The following SMYD3 variants were observed in gnomAD, a reference collection of about 807,000 sequenced individuals.
SMYD3 encodes the protein SET and MYND domain containing 3.
Under a neutral mutation model 57.7 loss-of-function variants are expected in SMYD3, and 36 were observed. That is an observed-to-expected ratio of 0.62 (90% CI 0.48 to 0.82). The LOEUF is 0.82. Ranked by LOEUF, SMYD3 falls within the 40% of genes least tolerant of loss-of-function variation. The pLI, the probability that SMYD3 is intolerant of heterozygous loss-of-function variation, is 0.00. For synonymous variants in SMYD3, 211 were observed against 195.0 expected, an observed-to-expected ratio of 1.08 and a Z score of -0.68; for missense variants, 515 against 538.8, an observed-to-expected ratio of 0.96 and a Z score of 0.44.
rs540644106 is a variant in SMYD3, at chr1:246,094,264, A to G, written c.532-164327T>C. 1.0e-3 allele frequency among the ~76,000 whole-genome samples: 158 copies of G among 152,256 alleles called. 1 individual carries two copies. Among genetic ancestry groups the G allele is most frequent in the Middle Eastern group, 6.8e-3 (2 of 294 alleles). On this transcript the variant is annotated intron_variant, in intron 5 of 11. Transcript: ENST00000490107. Reference sequence around the variant, plus strand: ...TAACAAAGACAGGGAAAGGTACCTCATGTGCCAGGTCCTGTGCCGGGGACT... The same window carrying G: ...TAACAAAGACAGGGAAAGGTACCTCGTGTGCCAGGTCCTGTGCCGGGGACT...
rs147003289 is a variant in SMYD3, at chr1:246,444,615, G to A, written c.164+62439C>T. ...ACTCACTCTGCCACAGGTGCTCTCA[G>A]GCAACCATATTAGAAATTATCAAAT... On this transcript the variant is annotated intron_variant, in intron 1 of 11. Coordinates refer to ENST00000490107, the MANE Select transcript of SMYD3 (RefSeq NM_001167740.2). Among the ~76,000 whole-genome samples the A allele has an allele frequency of 9.9e-5, 15 of 152,278 alleles. No homozygotes were observed. The East Asian group carries it at 2.7e-3, about 27-fold the overall frequency.
intron 1 of SMYD3, among the ~76,000 whole-genome samples, chr1:246,499,194 T>G (rs1018203151): frequency 4.0e-5 from 6 of 151,540 alleles, no homozygotes; most frequent in Non-Finnish European, 7.4e-5. Flanking sequence ...GTCCCAGCTA[T>G]TCGGGGGACT....
rs113737027 is a variant in SMYD3 at position 246,176,885 on chromosome 1, C to T, written c.531+150316G>A. Among the ~76,000 whole-genome samples the T allele has an allele frequency of 1.6e-3, 246 of 152,250 alleles. 1 individual carries two copies. The highest frequency in any genetic ancestry group is 5.5e-3 in the African/African-American group (228 of 41,556). On this transcript the variant is annotated intron_variant, in intron 5 of 11. Transcript: ENST00000490107. ...TCTTCCCCTTAGACGGCTCATGAGG[C>T]TAGCCACTCTTGAACTAAAAGAATG...
At chr1:245,778,752 T>A (rs1395528840) in intron 10 of SMYD3, among the ~76,000 whole-genome samples, 4 of 152,126 alleles carry the variant, frequency 2.6e-5, no homozygotes, top group African/African-American at 9.7e-5. Context: ...AAAATCTTCA[T>A]GACCCTGAGT....
intron 1 of SMYD3, among the ~76,000 whole-genome samples, chr1:246,475,846 C>T (rs1025648843): frequency 1.3e-5 from 2 of 152,158 alleles, no homozygotes; most frequent in Non-Finnish European, 2.9e-5. Context: ...AACTCCTGAG[C>T]TCAAGCAATT....
intron 1 of SMYD3, among the ~76,000 whole-genome samples, chr1:246,366,221 C>A (rs766886345): frequency 2.8e-4 from 42 of 152,086 alleles, no homozygotes; most frequent in Non-Finnish European, 5.0e-4. Flanking sequence ...CAAGATAATT[C>A]AGAGTACTTG....
At chr1:246,431,093 G>A (rs990346339) in intron 1 of SMYD3, among the ~76,000 whole-genome samples, 1 of 152,092 alleles carries the variant, frequency 6.6e-6, no homozygotes. Flanking sequence ...AGGATGCTTA[G>A]AAAAGATTGC....
At chr1:246,039,229 T>C (rs1163519327) in intron 5 of SMYD3, among the ~76,000 whole-genome samples, 1 of 152,200 alleles carries the variant, frequency 6.6e-6, no homozygotes, top group African/African-American at 2.4e-5. Flanking sequence ...ATCCTGGCAA[T>C]TGTAGTCGGT....
chr1:246,355,370 G>C lies in SMYD3; in HGVS notation c.165-276C>G, dbSNP rs75671617. On this transcript the variant is annotated intron_variant, in intron 1 of 11. Coordinates refer to ENST00000490107, the MANE Select transcript of SMYD3 (RefSeq NM_001167740.2). The surrounding 1 kb of genome is among the most constrained non-coding windows in gnomAD (Gnocchi z 5.0). ...CTCCCGATCGGACAGACAGAGCAGC[G>C]TGTGGGGACTCACACTGTGAACTTT... 1.2e-5 allele frequency: 5 copies of C among 409,324 alleles called. No individual in the cohort carries two copies. The highest frequency in any genetic ancestry group is 2.2e-5 in the Non-Finnish European group (5 of 224,548). 25.4% of individuals were successfully genotyped at this position (409,324 alleles called of 1,614,324 possible). A position where few individuals can be genotyped will look rare whatever the true frequency, so the allele number is the denominator to read the frequency against.
chr1:246,443,717 A>G (rs1211465629), intron 1 of SMYD3, among the ~76,000 whole-genome samples: 3 of 152,214 alleles, frequency 2.0e-5, no homozygotes, highest in African/African-American at 7.2e-5. Context: ...TTAGGTTGAC[A>G]TGTTAATTTA....
chr1:246,339,326 C>A (rs2065594588), intron 2 of SMYD3, among the ~76,000 whole-genome samples: 1 of 152,112 alleles, frequency 6.6e-6, no homozygotes, highest in Admixed American at 6.5e-5. Flanking sequence ...CATTTATATA[C>A]TAAAATACAT....
At chr1:246,304,681 T>A (rs2064950359) in intron 5 of SMYD3, among the ~76,000 whole-genome samples, 1 of 152,152 alleles carries the variant, frequency 6.6e-6, no homozygotes, top group Non-Finnish European at 1.5e-5. Flanking sequence ...AGCCACACAG[T>A]CACCATTATC....
At chr1:246,103,068 A>G (rs2061048166) in intron 5 of SMYD3, among the ~76,000 whole-genome samples, 1 of 152,128 alleles carries the variant, frequency 6.6e-6, no homozygotes, top group African/African-American at 2.4e-5. Context: ...TATGTCTTGT[A>G]TTTCTATCCA....
rs920823457 is a variant in SMYD3 at position 245,957,358 on chromosome 1, T to TC, written c.532-27422dup. 5.3e-5 allele frequency among the ~76,000 whole-genome samples: 8 copies of TC among 152,116 alleles called. No homozygotes were observed. The East Asian group carries it at 1.4e-3, about 26-fold the overall frequency. On this transcript the variant is annotated intron_variant, in intron 5 of 11. Coordinates refer to ENST00000490107, the MANE Select transcript of SMYD3 (RefSeq NM_001167740.2). ...CATTCCTGTTTTCAATATTCAATCT[T>TC]CCCCCTTTCCCTTTCCCATCACCTA... is the stretch of plus-strand genomic sequence containing the variant.
At position 246,187,243 on chromosome 1, in the gene SMYD3, G is replaced by A. The variant is rs1305035474; in HGVS notation, c.531+139958C>T. 4.0e-5 allele frequency among the ~76,000 whole-genome samples: 6 copies of A among 150,900 alleles called. No individual in the cohort carries two copies. The South Asian group carries it at 8.3e-4, about 21-fold the overall frequency. The stretch of plus-strand genomic sequence containing the variant: ...GCAGAGCCTGCATTGAGCAGAGATC[G>A]TGCCACTGCACTCCAGCCTAGGCAA... On this transcript the variant is annotated intron_variant, in intron 5 of 11. Transcript: ENST00000490107.
intron 10 of SMYD3, among the ~76,000 whole-genome samples, chr1:245,827,269 A>T (rs566307107): frequency 6.6e-6 from 1 of 152,236 alleles, no homozygotes; most frequent in South Asian, 2.1e-4. Flanking sequence ...GTCAGTCACT[A>T]ATCTTTACTG....
chr1:246,088,061 C>T (rs2787991), intron 5 of SMYD3, among the ~76,000 whole-genome samples: 122,281 of 152,106 alleles, frequency 0.8, 49,616 homozygotes, highest in Admixed American at 0.87. Flanking sequence ...TCTGTGAGCC[C>T]CTTTGACTCA....
chr1:245,793,873 G>A (rs985923224), intron 10 of SMYD3, among the ~76,000 whole-genome samples: 1 of 152,032 alleles, frequency 6.6e-6, no homozygotes, highest in African/African-American at 2.4e-5. Flanking sequence ...TATATTGTTT[G>A]ATAATGACAG....
intron 10 of SMYD3, among the ~76,000 whole-genome samples, chr1:245,775,538 C>A (rs977280452): frequency 2.0e-5 from 3 of 150,920 alleles, no homozygotes; most frequent in Non-Finnish European, 2.9e-5. Flanking sequence ...GTCATCACCA[C>A]TCCCTAATCT....
Sources: gnomAD v4.1 joint callset for allele counts (sites outside exome capture counted in the v4.1 genomes callset) on GRCh38, gnomAD v4.1.1 for gene constraint, Gnocchi (gnomAD v3.1) non-coding constraint, MANE v1.5 for transcripts, NCBI Gene and HGNC (gene_info 2026-07-23, HGNC 2026-07-21) for gene names.